Variants in XIRP2 observed in about 807,000 individuals in gnomAD.
XIRP2 encodes xin actin binding repeat containing 2, also known as xin actin-binding repeat-containing protein 2.
Under a neutral mutation model 277.0 loss-of-function variants are expected in XIRP2, and 236 were observed. The observed-to-expected ratio is 0.85, with a 90% CI of 0.77 to 0.95. XIRP2 has a LOEUF of 0.95. Ranked by LOEUF, XIRP2 falls within the 40% of genes least tolerant of loss-of-function variation. XIRP2 has a pLI of 0.00. For missense variants in XIRP2, 4,640 were observed against 4,157.5 expected (o/e 1.12, Z -3.19); for synonymous variants, 1,490 against 1,416.5 (o/e 1.05, Z -1.17).
At chr2:167,042,210 G>T (rs1254653790) in intron 2 of XIRP2, among the ~76,000 whole-genome samples, 1 of 152,058 alleles carries the variant, frequency 6.6e-6, no homozygotes, top group African/African-American at 2.4e-5. Context: ...GGAAACCAAA[G>T]ATCATTACCT....
chr2:167,254,213 C>A (rs1333726602), intron 10 of XIRP2, 48 bp downstream of exon 10: 3 of 1,574,648 alleles, frequency 1.9e-6, no homozygotes, highest in South Asian at 1.2e-5. Context: ...GAGCTGCACT[C>A]TATGTATAGC....
intron 2 of XIRP2, among the ~76,000 whole-genome samples, chr2:166,983,845 T>G (rs1686933629): frequency 6.6e-6 from 1 of 152,228 alleles, no homozygotes. Flanking sequence ...TGTACATGCT[T>G]TTAATCGTGT....
At chr2:167,086,750 C>G (rs1349946714) in intron 2 of XIRP2, among the ~76,000 whole-genome samples, 1 of 150,428 alleles carries the variant, frequency 6.6e-6, no homozygotes, top group Non-Finnish European at 1.5e-5. Context: ...CCTGAGGCTT[C>G]TGCATTCTTC....
chr2:167,047,058 C>T (rs1238839423), intron 2 of XIRP2, among the ~76,000 whole-genome samples: 2 of 151,544 alleles, frequency 1.3e-5, no homozygotes, highest in Non-Finnish European at 2.9e-5. Context: ...AATAAGGACA[C>T]CCACTGCCTC....
chr2:166,988,027 G>C (rs1687055001), intron 2 of XIRP2, among the ~76,000 whole-genome samples: 1 of 152,268 alleles, frequency 6.6e-6, no homozygotes, highest in South Asian at 2.1e-4. Flanking sequence ...GGGCAGAAAA[G>C]AGACACTGAT....
At chr2:167,088,559 C>T (rs572311523) in intron 2 of XIRP2, among the ~76,000 whole-genome samples, 1 of 152,120 alleles carries the variant, frequency 6.6e-6, no homozygotes, top group South Asian at 2.1e-4. Context: ...AACCTCAGTA[C>T]ACTTGCATAT....
intron 2 of XIRP2, among the ~76,000 whole-genome samples, chr2:166,947,420 G>A (rs959214654): frequency 2.6e-5 from 4 of 152,170 alleles, no homozygotes; most frequent in African/African-American, 4.8e-5. Flanking sequence ...TCCCTCAAAT[G>A]CAGAATATGG....
intron 2 of XIRP2, among the ~76,000 whole-genome samples, chr2:167,114,438 C>A (rs77397967): frequency 6.6e-6 from 1 of 151,754 alleles, no homozygotes; most frequent in African/African-American, 2.4e-5. Flanking sequence ...TTCCATTATG[C>A]AATTCTTTTT....
intron 2 of XIRP2, among the ~76,000 whole-genome samples, chr2:167,008,250 A>G (rs779363937): frequency 2.0e-5 from 3 of 151,592 alleles, no homozygotes; most frequent in Non-Finnish European, 4.4e-5. Context: ...TTTTCTGCTA[A>G]GAGAGATCTG....
At chr2:167,144,603 T>C (rs1197738870) in intron 3 of XIRP2, among the ~76,000 whole-genome samples, 1 of 152,174 alleles carries the variant, frequency 6.6e-6, no homozygotes, top group East Asian at 1.9e-4. Flanking sequence ...TTATGAGATA[T>C]GTAATCATTC....
chr2:167,224,649 G>A (rs988059122), intron 5 of XIRP2, among the ~76,000 whole-genome samples: 4 of 152,038 alleles, frequency 2.6e-5, no homozygotes, highest in African/African-American at 9.7e-5. Flanking sequence ...AGAATAAAAT[G>A]TCCATATAAA....
intron 3 of XIRP2, among the ~76,000 whole-genome samples, chr2:167,137,876 T>G (rs1691601429): frequency 1.3e-5 from 2 of 152,262 alleles, no homozygotes; most frequent in African/African-American, 4.8e-5. Context: ...AACAAAATTC[T>G]TTCATTATGG....
In XIRP2 at chr2:166,899,690, T is replaced by G. The variant is rs1684329680; in HGVS notation, c.-18-3775T>G. On this transcript the variant is annotated intron_variant, in intron 1 of 10. Coordinates refer to ENST00000409195, the MANE Select transcript of XIRP2 (RefSeq NM_152381.6). Reference sequence around the variant, plus strand: ...TTTTAACACTTGAAACATATTGTGCTCTTGCCTTCTGGTCTTCATGGTTTC... The same window carrying G: ...TTTTAACACTTGAAACATATTGTGCGCTTGCCTTCTGGTCTTCATGGTTTC... Among the ~76,000 whole-genome samples, 4 of 152,170 alleles carry G rather than the reference T, an allele frequency of 2.6e-5. No homozygotes were observed. The South Asian group carries it at 8.3e-4, about 31-fold the overall frequency.
intron 2 of XIRP2, among the ~76,000 whole-genome samples, chr2:167,070,722 C>T (rs764153366): frequency 1.3e-5 from 2 of 151,840 alleles, no homozygotes; most frequent in Admixed American, 6.6e-5. Context: ...GAAAGTTGGC[C>T]GTAAGACTTT....
rs1416129140 is a variant in XIRP2 at position 167,239,861 on chromosome 2, A to G, written c.865A>G (p.Ile289Val). The G allele has an allele frequency of 1.2e-6, 2 of 1,607,788 alleles. No individual in the cohort carries two copies. Among genetic ancestry groups the G allele is most frequent in the Non-Finnish European group, 1.7e-6 (2 of 1,177,940 alleles). Residue 289 changes from isoleucine to valine, a missense_variant, in exon 6 of 11, where the codon ATT becomes GTT. Physicochemically the swap from Ile to Val is conservative, Grantham distance 29. Coordinates refer to ENST00000409195, the MANE Select transcript of XIRP2 (RefSeq NM_152381.6). Reference sequence around the variant, plus strand: ...TCTGTCTGTGTGCTTTCAGGAGGCAATTCATAGCAGCCAGGTTGGCACTTC... The same window carrying G: ...TCTGTCTGTGTGCTTTCAGGAGGCAGTTCATAGCAGCCAGGTTGGCACTTC... ...QHQNRSEQEA[I>V]HSSQVGTSRS...
chr2:167,123,194 G>T (rs1015935945), intron 2 of XIRP2, among the ~76,000 whole-genome samples: 1 of 152,284 alleles, frequency 6.6e-6, no homozygotes, highest in East Asian at 1.9e-4. Flanking sequence ...CACTCACTGA[G>T]AGTAAACATA....
chr2:166,901,583 T>G (rs1408014457), intron 1 of XIRP2, among the ~76,000 whole-genome samples: 2 of 152,074 alleles, frequency 1.3e-5, no homozygotes, highest in African/African-American at 4.8e-5. Context: ...AAAACAATTC[T>G]TTCATTAAAT....
chr2:166,985,100 C>A (rs1332412197), intron 2 of XIRP2, among the ~76,000 whole-genome samples: 1 of 152,152 alleles, frequency 6.6e-6, no homozygotes, highest in African/African-American at 2.4e-5. Context: ...ACATCCTGCA[C>A]AAAATTTAGT....
intron 2 of XIRP2, among the ~76,000 whole-genome samples, chr2:167,102,058 C>T (rs1420436291): frequency 6.6e-6 from 1 of 152,178 alleles, no homozygotes; most frequent in Non-Finnish European, 1.5e-5. Context: ...TTCTAGGTTT[C>T]TCAAGTGCAA....
Sources: allele counts gnomAD v4.1 joint callset (sites outside exome capture counted in the v4.1 genomes callset), GRCh38; gene constraint gnomAD v4.1.1; transcripts MANE v1.5; gene names NCBI Gene and HGNC (gene_info 2026-07-23, HGNC 2026-07-21).